CSGALNACT1: variants seen among roughly 807,000 people sequenced by gnomAD.
CSGALNACT1 encodes the protein chondroitin sulfate N-acetylgalactosaminyltransferase 1.
Under a neutral mutation model 51.0 loss-of-function variants are expected in CSGALNACT1, and 52 were observed. That is an observed-to-expected ratio of 1.02 (90% CI 0.82 to 1.29). CSGALNACT1 has a LOEUF of 1.29. CSGALNACT1 is among the 50% of genes most tolerant of loss of function. The probability of loss-of-function intolerance (pLI) is 0.00; values close to 1 mark genes in which losing one functional copy is unlikely to be tolerated. For missense variants in CSGALNACT1, 935 were observed against 679.2 expected (o/e 1.38, Z -4.19); for synonymous variants, 341 against 254.4 (o/e 1.34, Z -3.24).
chr8:19,603,348 C>T (rs144541675), upstream of CSGALNACT1, among the ~76,000 whole-genome samples: 11 of 152,330 alleles, frequency 7.2e-5, no homozygotes, highest in East Asian at 2.1e-3. Context: ...TACCCACCCA[C>T]TCTCACCCCA....
chr8:19,636,063 A>T (rs1045780922), intron 1 of CSGALNACT1, among the ~76,000 whole-genome samples: 2 of 152,134 alleles, frequency 1.3e-5, no homozygotes, highest in African/African-American at 4.8e-5. Flanking sequence ...CTCAGATTTT[A>T]CGGTAGTATT....
At chr8:19,492,580 C>T (rs2074585767) in intron 4 of CSGALNACT1, among the ~76,000 whole-genome samples, 1 of 152,190 alleles carries the variant, frequency 6.6e-6, no homozygotes, top group Non-Finnish European at 1.5e-5. Flanking sequence ...TGTGTCATGT[C>T]CGATGCCCCA....
chr8:19,603,480 G>A (rs1177472298), upstream of CSGALNACT1, among the ~76,000 whole-genome samples: 2 of 152,170 alleles, frequency 1.3e-5, no homozygotes, highest in Non-Finnish European at 2.9e-5. Context: ...CCTCTGCCTG[G>A]CCAATCAATC....
intron 1 of CSGALNACT1, among the ~76,000 whole-genome samples, chr8:19,748,550 C>T (rs767089310): frequency 1.3e-5 from 2 of 152,132 alleles, no homozygotes; most frequent in Non-Finnish European, 2.9e-5. Context: ...TAACAGTTGA[C>T]ACATATATTA....
In CSGALNACT1 at chr8:19,667,079, GAA is replaced by G. The variant is rs1451597572; in HGVS notation, c.-544+15392_-544+15393del. ...AGAAAGAAAGAAAGAAAGAAAGAAA[GAA>G]AGAAAGAAAGAAAGAAAGGGAAAGA... On this transcript the variant is annotated intron_variant, in intron 1 of 9. Transcript: ENST00000332246. Among the ~76,000 whole-genome samples the G allele has an allele frequency of 1.0e-4, 13 of 125,588 alleles. 3 individuals carry two copies. Among genetic ancestry groups the G allele is most frequent in the African/African-American group, 3.5e-4 (12 of 33,892 alleles). 82.4% of individuals were successfully genotyped at this position (125,588 alleles called of 152,430 possible).
intron 3 of CSGALNACT1, among the ~76,000 whole-genome samples, chr8:19,554,371 G>A (rs948544286): frequency 6.6e-6 from 1 of 152,170 alleles, no homozygotes; most frequent in Non-Finnish European, 1.5e-5. Flanking sequence ...ACACATAACA[G>A]AGGCAGACGG....
chr8:19,463,462 C>G (rs1222182610), intron 4 of CSGALNACT1, among the ~76,000 whole-genome samples: 3 of 152,080 alleles, frequency 2.0e-5, no homozygotes, highest in Non-Finnish European at 4.4e-5. Context: ...CCTCCTGGAG[C>G]TCTTTATTGG....
chr8:19,734,797 C>G (rs1446088906), intron 1 of CSGALNACT1, among the ~76,000 whole-genome samples: 1 of 151,862 alleles, frequency 6.6e-6, no homozygotes, highest in African/African-American at 2.4e-5. Flanking sequence ...TACTGAATGT[C>G]AAAACACGCA....
intron 3 of CSGALNACT1, among the ~76,000 whole-genome samples, chr8:19,534,112 G>A (rs1388177795): frequency 6.6e-6 from 1 of 152,110 alleles, no homozygotes; most frequent in African/African-American, 2.4e-5. Flanking sequence ...TATAAAGTTT[G>A]AAAGAATACT....
exon 1 of CSGALNACT1, chr8:19,602,022 CCT>C (rs1438707150): frequency 8.2e-5 from 28 of 343,446 alleles, no homozygotes; most frequent in African/African-American, 5.0e-4. Context: ...TTGTTCTCTC[CCT>C]GTTTCAATGA....
chr8:19,523,811 A>C (rs2081177447), intron 3 of CSGALNACT1, among the ~76,000 whole-genome samples: 1 of 152,188 alleles, frequency 6.6e-6, no homozygotes, highest in African/African-American at 2.4e-5. Flanking sequence ...TTCTAAAAAC[A>C]ATGTTTATGT....
rs137904077 is a variant in CSGALNACT1, at chr8:19,736,396, G to A, written c.-297+21454C>T. ...GCCCTTTACAGAAAAAGTTTCTATA[G>A]GATAGTCTCTCACACACTGCTGACT... On this transcript the variant is annotated intron_variant, in intron 1 of 1. Coordinates refer to the CSGALNACT1 transcript ENST00000517494. 3.0e-3 allele frequency among the ~76,000 whole-genome samples: 457 copies of A among 151,994 alleles called. 1 individual carries two copies. The highest frequency in any genetic ancestry group is 0.01 in the African/African-American group (431 of 41,464).
At chr8:19,678,381 A>G (rs1564409744) in intron 1 of CSGALNACT1, among the ~76,000 whole-genome samples, 2 of 152,262 alleles carry the variant, frequency 1.3e-5, no homozygotes. Flanking sequence ...AACCAACGAC[A>G]GAGTACAAAA....
chr8:19,741,781 C>T (rs1256355766), intron 1 of CSGALNACT1, among the ~76,000 whole-genome samples: 6 of 152,288 alleles, frequency 3.9e-5, no homozygotes, highest in African/African-American at 1.4e-4. Context: ...AACGGCTGAT[C>T]ATATGGATTT....
intron 5 of CSGALNACT1, among the ~76,000 whole-genome samples, chr8:19,447,048 T>C (rs533196172): frequency 5.9e-5 from 9 of 152,324 alleles, no homozygotes; most frequent in African/African-American, 2.2e-4. Context: ...AAGCCCTTCA[T>C]GGTCTTTGAG....
At chr8:19,626,382 AG>A (rs1239272613) in intron 1 of CSGALNACT1, among the ~76,000 whole-genome samples, 1 of 152,112 alleles carries the variant, frequency 6.6e-6, no homozygotes, top group Non-Finnish European at 1.5e-5. Context: ...TGAGGCCCAA[AG>A]GGGAAGGAAA....
At chr8:19,514,510 T>TATATATATATATATATATAC (rs1422248108) in intron 3 of CSGALNACT1, among the ~76,000 whole-genome samples, 8 of 133,018 alleles carry the variant, frequency 6.0e-5, no homozygotes, top group African/African-American at 8.3e-5. Flanking sequence ...TATATATATA[T>TATATATATATATATATATAC]ACATGTATCT....
intron 3 of CSGALNACT1, among the ~76,000 whole-genome samples, chr8:19,539,483 C>T (rs757729704): frequency 6.6e-6 from 1 of 152,160 alleles, no homozygotes; most frequent in Admixed American, 6.5e-5. Flanking sequence ...ATAGAAAGCA[C>T]TGAATAAGTA....
chr8:19,615,599 T>C (rs2052892690), intron 1 of CSGALNACT1, among the ~76,000 whole-genome samples: 1 of 152,048 alleles, frequency 6.6e-6, no homozygotes, highest in African/African-American at 2.4e-5. Context: ...AGTAGAAAAA[T>C]TTTTCCAACT....
Sources: gnomAD v4.1 joint callset for allele counts (sites outside exome capture counted in the v4.1 genomes callset) on GRCh38, gnomAD v4.1.1 for gene constraint, MANE v1.5 for transcripts, NCBI Gene and HGNC (gene_info 2026-07-23, HGNC 2026-07-21) for gene names.